Variants in SRPK1 observed in about 807,000 individuals in gnomAD.
SRPK1 encodes SRSF protein kinase 1, also known as SFRS protein kinase 1.
In SRPK1, 52 loss-of-function variants were observed where a neutral mutation model predicts 89.5. The observed-to-expected ratio is 0.58, with a 90% CI of 0.46 to 0.73. SRPK1 has a LOEUF of 0.73. Ranked by LOEUF, SRPK1 falls within the 30% of genes least tolerant of loss-of-function variation. The pLI, the probability that SRPK1 is intolerant of heterozygous loss-of-function variation, is 0.00. For synonymous variants in SRPK1, 255 were observed against 270.2 expected (o/e 0.94, Z 0.55); for missense variants, 603 against 780.6 (o/e 0.77, Z 2.71).
At chr6:35,852,806 G>T (rs1245513455) in intron 13 of SRPK1, among the ~76,000 whole-genome samples, 2 of 152,170 alleles carry the variant, frequency 1.3e-5, no homozygotes, top group Non-Finnish European at 2.9e-5. Context: ...TCCCATTTCT[G>T]AAAGATTCAC....
intron 12 of SRPK1, among the ~76,000 whole-genome samples, chr6:35,861,738 G>T (rs1222722538): frequency 6.6e-6 from 1 of 152,220 alleles, no homozygotes; most frequent in Non-Finnish European, 1.5e-5. Flanking sequence ...TGGCTGAGGA[G>T]GGACAGGAAA....
rs149909306 is a variant in SRPK1, at chr6:35,862,255, C to T, written c.1513-4887G>A. Among the ~76,000 whole-genome samples the T allele has an allele frequency of 9.2e-5, 14 of 152,210 alleles. No individual in the cohort carries two copies. In the South Asian group the frequency reaches 2.1e-3, roughly 23 times the overall value. On this transcript the variant is annotated intron_variant, in intron 12 of 15. Coordinates refer to ENST00000373825, the MANE Select transcript of SRPK1 (RefSeq NM_003137.5). The stretch of plus-strand genomic sequence containing the variant: ...CAGGACCCACTAACACTGGAATCAA[C>T]GCTCTGGGGCCTAAAAACAGGAACA...
intron 6 of SRPK1, among the ~76,000 whole-genome samples, chr6:35,877,896 G>A (rs1481342423): frequency 6.6e-6 from 1 of 151,580 alleles, no homozygotes; most frequent in Non-Finnish European, 1.5e-5. Context: ...AGTGCAATGT[G>A]AGAGATCAAA....
intron 2 of SRPK1, chr6:35,920,255 C>T: frequency 3.1e-6 from 2 of 637,520 alleles, no homozygotes. Flanking sequence ...CCCTTTCCAG[C>T]AGGCCCGGGG....
chr6:35,889,195 C>T (rs757610006), intron 3 of SRPK1, among the ~76,000 whole-genome samples: 13 of 151,920 alleles, frequency 8.6e-5, no homozygotes, highest in Admixed American at 3.3e-4. Context: ...GGTTGTATAT[C>T]ATGATATTCT....
rs1034888513 is a variant in SRPK1 at position 35,834,614 on chromosome 6, A to T, written c.*690T>A. ...CACCTGAGGTTCTCAAGAAATTACT[A>T]TTCAATGGTTCTGTTTTTGCTTACA... is the stretch of plus-strand genomic sequence containing the variant. On this transcript the variant is annotated 3_prime_UTR_variant, in exon 16 of 16. Coordinates refer to ENST00000373825, the MANE Select transcript of SRPK1 (RefSeq NM_003137.5). The T allele has an allele frequency of 2.0e-5, 3 of 152,350 alleles. No individual in the cohort carries two copies. Among genetic ancestry groups the T allele is most frequent in the Admixed American group, 6.5e-5 (1 of 15,298 alleles). 9.4% of individuals were successfully genotyped at this position (152,350 alleles called of 1,614,324 possible). A position where few individuals can be genotyped will look rare whatever the true frequency, so the allele number is the denominator to read the frequency against.
At chr6:35,901,755 TC>T (rs1456991998) in intron 2 of SRPK1, among the ~76,000 whole-genome samples, 1 of 152,136 alleles carries the variant, frequency 6.6e-6, no homozygotes, top group African/African-American at 2.4e-5. Flanking sequence ...GCTAAATTTC[TC>T]CCACTACCTT....
chr6:35,878,533 C>T (rs1330340241), intron 6 of SRPK1, among the ~76,000 whole-genome samples: 1 of 152,170 alleles, frequency 6.6e-6, no homozygotes, highest in African/African-American at 2.4e-5. Context: ...AAATGTTGGT[C>T]AATTTCAGCT....
rs35124200 is a variant in SRPK1 at position 35,835,326 on chromosome 6, C to T, written c.1946G>A (p.Arg649Gln). 17,008 of 1,613,484 alleles carry T rather than the reference C, an allele frequency of 0.011. 113 individuals are homozygous for T. The highest frequency in any genetic ancestry group is 0.012 in the Non-Finnish European group (13,587 of 1,179,698). ...GGCTTAGGAGTTAAGCCAAGGGTGCCGGAGACACTCGGCGGCAGTGGCTCT... is the reference window on the plus strand; with the variant it reads ...GGCTTAGGAGTTAAGCCAAGGGTGCTGGAGACACTCGGCGGCAGTGGCTCT... ...EKRATAAECL[R>Q]HPWLNS Residue 649 changes from arginine to glutamine, a missense_variant, in exon 16 of 16, where the codon CGG becomes CAG. Coordinates refer to ENST00000373825, the MANE Select transcript of SRPK1 (RefSeq NM_003137.5).
intron 2 of SRPK1, chr6:35,895,598 T>A (rs1486370014): frequency 6.6e-6 from 1 of 152,184 alleles, no homozygotes; most frequent in Non-Finnish European, 1.5e-5. Flanking sequence ...TGCTCCTTTT[T>A]CTTCCCAATG....
intron 2 of SRPK1, among the ~76,000 whole-genome samples, chr6:35,919,539 G>A (rs554841724): frequency 6.6e-6 from 1 of 152,272 alleles, no homozygotes; most frequent in East Asian, 1.9e-4. Context: ...TTAATAACTA[G>A]GCATACAAGC....
intron 2 of SRPK1, among the ~76,000 whole-genome samples, chr6:35,903,014 C>T (rs1171889019): frequency 2.6e-5 from 4 of 151,960 alleles, no homozygotes; most frequent in Non-Finnish European, 4.4e-5. Context: ...CATGGTGACT[C>T]ACACCTATAA....
rs191973567 is a variant in SRPK1, at chr6:35,905,463, G to A, written c.75-14450C>T. Among the ~76,000 whole-genome samples, 52 of 151,964 alleles carry A rather than the reference G, an allele frequency of 3.4e-4. No individual in the cohort carries two copies. In the Middle Eastern group the frequency reaches 0.01, roughly 30 times the overall value. Reference sequence around the variant, plus strand: ...TTTATTTTAAGCAATAAGCCTAGACGACCCAAATAATTCTGCAAGACTTGG... The same window carrying A: ...TTTATTTTAAGCAATAAGCCTAGACAACCCAAATAATTCTGCAAGACTTGG... On this transcript the variant is annotated intron_variant, in intron 2 of 15. Transcript: ENST00000373825.
chr6:35,905,320 A>C (rs1009844962), intron 2 of SRPK1, among the ~76,000 whole-genome samples: 19 of 152,132 alleles, frequency 1.2e-4, no homozygotes, highest in Admixed American at 7.9e-4. Context: ...ATAAAGGAGG[A>C]GGCACACTTC....
At chr6:35,835,702 TTTG>T in intron 15 of SRPK1, among the ~76,000 whole-genome samples, 1 of 152,262 alleles carries the variant, frequency 6.6e-6, no homozygotes, top group Non-Finnish European at 1.5e-5. Context: ...TTTAAGGTAA[TTTG>T]TTTTCTCCCC....
chr6:35,869,404 A>G, intron 11 of SRPK1, 78 bp downstream of exon 11: 1 of 1,500,182 alleles, frequency 6.7e-7, no homozygotes, highest in Middle Eastern at 1.8e-4. Context: ...TTACAAAAAC[A>G]ATCATACTTT....
At chr6:35,916,968 G>C (rs933367483) in intron 2 of SRPK1, among the ~76,000 whole-genome samples, 2 of 152,194 alleles carry the variant, frequency 1.3e-5, no homozygotes, top group Non-Finnish European at 2.9e-5. Flanking sequence ...GCTGAGGCAG[G>C]AGAATGGCTT....
At chr6:35,911,737 G>A (rs763511138) in intron 2 of SRPK1, among the ~76,000 whole-genome samples, 2 of 151,682 alleles carry the variant, frequency 1.3e-5, no homozygotes, top group South Asian at 2.1e-4. Flanking sequence ...AGCAGAAAGC[G>A]GTTTCTTGAG....
intron 12 of SRPK1, among the ~76,000 whole-genome samples, chr6:35,863,627 G>A (rs970399897): frequency 3.5e-5 from 5 of 141,590 alleles, no homozygotes; most frequent in Non-Finnish European, 6.3e-5. Context: ...ACATGGGGAG[G>A]GGGAGGTGGA....
Sources: gnomAD v4.1 joint callset for allele counts (sites outside exome capture counted in the v4.1 genomes callset) on GRCh38, gnomAD v4.1.1 for gene constraint, MANE v1.5 for transcripts, NCBI Gene and HGNC (gene_info 2026-07-23, HGNC 2026-07-21) for gene names.